PRELID3A: variants seen among roughly 807,000 people sequenced by gnomAD.
PRELID3A encodes PRELI domain containing 3A, also known as PRELI domain containing protein 3A.
In PRELID3A, 27 loss-of-function variants were observed where a neutral mutation model predicts 23.0. The ratio of observed to expected loss-of-function variants is 1.17; its 90% CI spans 0.87 to 1.62. The LOEUF (loss-of-function observed/expected upper bound fraction) is 1.62. Ranked by LOEUF, PRELID3A falls within the 40% of genes most tolerant of loss-of-function variation. The pLI, the probability that PRELID3A is intolerant of heterozygous loss-of-function variation, is 0.00. For synonymous variants in PRELID3A, 87 were observed against 86.4 expected (o/e 1.01, Z -0.04); for missense variants, 231 against 231.4 (o/e 1.00, Z 0.01).
In PRELID3A at chr18:12,420,494, G is replaced by T. The variant is rs764704529; in HGVS notation, c.201+1G>T. 7.2e-6 allele frequency: 11 copies of T among 1,531,626 alleles called. No individual in the cohort carries two copies. The South Asian group carries it at 1.3e-4, about 19-fold the overall frequency. The allele number at this position is 1,531,626 out of a possible 1,614,324, so 94.9% of individuals were successfully genotyped here. On this transcript the variant is annotated splice_donor_variant, in intron 2 of 6. Coordinates refer to ENST00000440960, the MANE Select transcript of PRELID3A (RefSeq NM_001142405.2). LOFTEE classifies it high-confidence loss of function. ...GGGGCTGCCCAGCCTCGTGAGAGCG[G>T]TGAGCGGGGCGGGGGCTGCGGCTCC...
chr18:12,414,749 C>T (rs1455714538), intron 1 of PRELID3A, among the ~76,000 whole-genome samples: 1 of 151,916 alleles, frequency 6.6e-6, no homozygotes, highest in African/African-American at 2.4e-5. Flanking sequence ...CCCTCCACCC[C>T]CACCAAAAGA....
intron 1 of PRELID3A, among the ~76,000 whole-genome samples, chr18:12,416,656 T>G (rs1343167537): frequency 7.1e-6 from 1 of 140,958 alleles, no homozygotes; most frequent in Admixed American, 7.7e-5. Context: ...TCTTTTTTTT[T>G]TTTTTTTTAG....
intron 1 of PRELID3A, 150 bp downstream of exon 1, chr18:12,408,157 G>A: frequency 1.4e-6 from 1 of 695,654 alleles, no homozygotes; most frequent in Non-Finnish European, 2.0e-6. Flanking sequence ...CCGCAACTTC[G>A]GCGTCCCGGA....
intron 1 of PRELID3A, among the ~76,000 whole-genome samples, chr18:12,414,771 A>G (rs1346791141): frequency 2.7e-5 from 4 of 148,992 alleles, no homozygotes; most frequent in African/African-American, 7.4e-5. Flanking sequence ...AAGGTCAGTC[A>G]TGTCTCAGTA....
intron 6 of PRELID3A, among the ~76,000 whole-genome samples, chr18:12,429,988 C>T (rs2030513171): frequency 6.6e-6 from 1 of 152,248 alleles, no homozygotes; most frequent in Non-Finnish European, 1.5e-5. Flanking sequence ...GTGGCCCTGC[C>T]CCGACGGCCA....
chr18:12,416,731 C>T (rs144373239), intron 1 of PRELID3A, among the ~76,000 whole-genome samples: 19 of 151,526 alleles, frequency 1.3e-4, no homozygotes, highest in African/African-American at 4.1e-4. Flanking sequence ...CTGCAAGCTC[C>T]GCCTCCCGGG....
In PRELID3A at chr18:12,428,088, G is replaced by A. The variant is rs142714356; in HGVS notation, c.465+765G>A. ...TTGGCTGAACCTCTCCAGCAGTGAC[G>A]CTTCCATGGAGCCTGCTGCCGTCTT... On this transcript the variant is annotated intron_variant, in intron 5 of 6. Transcript: ENST00000440960. Among the ~76,000 whole-genome samples, 1,185 of 152,300 alleles carry A rather than the reference G, an allele frequency of 7.8e-3. 11 individuals are homozygous for A. Among genetic ancestry groups the A allele is most frequent in the South Asian group, 0.031 (148 of 4,828 alleles).
At chr18:12,430,316 G>C (rs926089607) in intron 6 of PRELID3A, among the ~76,000 whole-genome samples, 1 of 151,612 alleles carries the variant, frequency 6.6e-6, no homozygotes. Context: ...TGTGTGTGGT[G>C]AGTGCGGTGT....
rs115747715 is a variant in PRELID3A, at chr18:12,416,017, T to C, written c.33-4308T>C. Among the ~76,000 whole-genome samples, 1,060 of 152,328 alleles carry C rather than the reference T, an allele frequency of 7.0e-3. 10 individuals are homozygous for C. Among genetic ancestry groups the C allele is most frequent in the African/African-American group, 0.024 (978 of 41,576 alleles). The stretch of plus-strand genomic sequence containing the variant: ...CTCCTGCCGCCTGGTTGGGGATCTC[T>C]GAGTAGGCAGTTCTCTGCTCCTCTT... On this transcript the variant is annotated intron_variant, in intron 1 of 6. Coordinates refer to ENST00000440960, the MANE Select transcript of PRELID3A (RefSeq NM_001142405.2).
At chr18:12,414,776 T>C (rs2029894082) in intron 1 of PRELID3A, among the ~76,000 whole-genome samples, 1 of 148,276 alleles carries the variant, frequency 6.7e-6, no homozygotes, top group African/African-American at 2.5e-5. Flanking sequence ...CAGTCATGTC[T>C]CAGTAGCACT....
At chr18:12,426,490 C>G (rs2030379578) in intron 3 of PRELID3A, among the ~76,000 whole-genome samples, 1 of 141,098 alleles carries the variant, frequency 7.1e-6, no homozygotes, top group Admixed American at 8.1e-5. Flanking sequence ...GGAGGCAGAG[C>G]TTTCAGTGAG....
Position 12,430,368 on chromosome 18 carries a change from G to GGTGT in PRELID3A, c.*34-770_*34-767dup, listed in dbSNP as rs58524238. Among the ~76,000 whole-genome samples, 59 of 150,450 alleles carry GGTGT rather than the reference G, an allele frequency of 3.9e-4. No individual in the cohort carries two copies. In the East Asian group the frequency reaches 7.3e-3, roughly 19 times the overall value. On this transcript the variant is annotated intron_variant, in intron 6 of 6. Transcript: ENST00000440960. ...GCGTGGTATGTATATATGTGTGTGT[G>GGTGT]GTGTGTGTGTGTGTGCAGCGTGTAT... is the stretch of plus-strand genomic sequence containing the variant.
At chr18:12,429,660 G>A (rs569546589) in intron 6 of PRELID3A, among the ~76,000 whole-genome samples, 133 of 152,304 alleles carry the variant, frequency 8.7e-4, no homozygotes, top group African/African-American at 2.9e-3. Context: ...CTTGAGCTGC[G>A]GCCCTCTGGG....
At chr18:12,428,072 C>T (rs1344516499) in intron 5 of PRELID3A, among the ~76,000 whole-genome samples, 1 of 152,186 alleles carries the variant, frequency 6.6e-6, no homozygotes, top group Non-Finnish European at 1.5e-5. Flanking sequence ...TTTGGCTGAA[C>T]CTCTCCAGCA....
At chr18:12,425,271 A>G (rs2030316863) in intron 3 of PRELID3A, among the ~76,000 whole-genome samples, 1 of 152,170 alleles carries the variant, frequency 6.6e-6, no homozygotes, top group African/African-American at 2.4e-5. Flanking sequence ...CATTACTGTT[A>G]GCACAGAAAA....
At position 12,431,497 on chromosome 18, in the gene PRELID3A, C is replaced by G. The variant is rs1421494580; in HGVS notation, c.*381C>G. On this transcript the variant is annotated 3_prime_UTR_variant, in exon 7 of 7. Coordinates refer to ENST00000440960, the MANE Select transcript of PRELID3A (RefSeq NM_001142405.2). ...CCCGCCCGCCCGCCCACGCTGTCCTCCACTTAGGCTCCTCCACAAACGCTG... is the reference window on the plus strand; with the variant it reads ...CCCGCCCGCCCGCCCACGCTGTCCTGCACTTAGGCTCCTCCACAAACGCTG... 6.7e-6 allele frequency: 1 copy of G among 148,968 alleles called. No homozygotes were observed. Among genetic ancestry groups the G allele is most frequent in the East Asian group, 2.0e-4 (1 of 5,002 alleles). 9.2% of individuals were successfully genotyped at this position (148,968 alleles called of 1,614,324 possible).
chr18:12,423,071 C>T lies in PRELID3A; in HGVS notation c.291+1442C>T, dbSNP rs150666004. ...TAGGTGGCAGCGAGCAGGAGCTCCC[C>T]TAAGTGGCCATGTGAAGGTAGGTGA... On this transcript the variant is annotated intron_variant, in intron 3 of 6. Coordinates refer to ENST00000440960, the MANE Select transcript of PRELID3A (RefSeq NM_001142405.2). Among the ~76,000 whole-genome samples, 50 of 152,314 alleles carry T rather than the reference C, an allele frequency of 3.3e-4. No homozygotes were observed. In the East Asian group the frequency reaches 5.4e-3, roughly 16 times the overall value.
intron 3 of PRELID3A, among the ~76,000 whole-genome samples, chr18:12,426,427 G>C (rs968950436): frequency 6.6e-6 from 1 of 151,152 alleles, no homozygotes; most frequent in Non-Finnish European, 1.5e-5. Context: ...GGTGGCAGGT[G>C]CCTGTAGTCC....
At chr18:12,426,042 C>T (rs1598864137) in intron 3 of PRELID3A, among the ~76,000 whole-genome samples, 1 of 151,970 alleles carries the variant, frequency 6.6e-6, no homozygotes, top group South Asian at 2.1e-4. Flanking sequence ...TGAGACCATC[C>T]TGGCCAACAT....
Sources: gnomAD v4.1 joint callset for allele counts (sites outside exome capture counted in the v4.1 genomes callset) on GRCh38, gnomAD v4.1.1 for gene constraint, MANE v1.5 for transcripts, NCBI Gene and HGNC (gene_info 2026-07-23, HGNC 2026-07-21) for gene names.